NKAIN2: variants seen among roughly 807,000 people sequenced by gnomAD.
NKAIN2 encodes sodium/potassium-transporting ATPase subunit beta-1-interacting protein 2.
In NKAIN2, 14 loss-of-function variants were observed where a neutral mutation model predicts 32.6. That is an observed-to-expected ratio of 0.43 (90% CI 0.28 to 0.67). The LOEUF is 0.67. Ranked by LOEUF, NKAIN2 falls within the 30% of genes least tolerant of loss-of-function variation. The pLI is 0.17. For missense variants in NKAIN2, 198 were observed against 258.3 expected, an observed-to-expected ratio of 0.77 and a Z score of 1.60; for synonymous variants, 80 against 87.2, an observed-to-expected ratio of 0.92 and a Z score of 0.46.
rs1773103827 is a variant in NKAIN2, at chr6:123,804,022, C to T, written c.-179C>T. 2 of 636,030 alleles carry T rather than the reference C, an allele frequency of 3.1e-6. No individual in the cohort carries two copies. Among genetic ancestry groups the T allele is most frequent in the Admixed American group, 2.7e-5 (1 of 36,716 alleles). 39.4% of individuals were successfully genotyped at this position (636,030 alleles called of 1,614,324 possible). On this transcript the variant is annotated 5_prime_UTR_variant, in exon 1 of 7. Transcript: ENST00000368417. Reference sequence around the variant, plus strand: ...CGGCTGGAGCTGCCGCCGCCGCCGCCGCCGCGCCAGCAGGTCCTAATGCCT... The same window carrying T: ...CGGCTGGAGCTGCCGCCGCCGCCGCTGCCGCGCCAGCAGGTCCTAATGCCT...
chr6:123,965,834 T>C (rs1421228059), intron 1 of NKAIN2, among the ~76,000 whole-genome samples: 1 of 152,220 alleles, frequency 6.6e-6, no homozygotes, highest in Non-Finnish European at 1.5e-5. Context: ...TTATTGAATC[T>C]ATTCTTAAAT....
chr6:124,196,386 T>C (rs1367937163), intron 1 of NKAIN2, among the ~76,000 whole-genome samples: 1 of 152,062 alleles, frequency 6.6e-6, no homozygotes, highest in African/African-American at 2.4e-5. Flanking sequence ...TCCACTATAT[T>C]CCCCATATTA....
chr6:124,456,165 C>G (rs138863530), intron 3 of NKAIN2, among the ~76,000 whole-genome samples: 88 of 151,964 alleles, frequency 5.8e-4, no homozygotes, highest in African/African-American at 2.1e-3. Context: ...TTGCTTATTT[C>G]CCTCAATACA....
intron 1 of NKAIN2, among the ~76,000 whole-genome samples, chr6:123,999,162 G>A (rs186345448): frequency 1.6e-4 from 25 of 152,176 alleles, no homozygotes; most frequent in African/African-American, 5.5e-4. Context: ...AAATGGTAAG[G>A]TTACATCATT....
intron 4 of NKAIN2, among the ~76,000 whole-genome samples, chr6:124,676,318 C>T (rs546982451): frequency 3.3e-5 from 5 of 152,200 alleles, no homozygotes; most frequent in African/African-American, 9.6e-5. Context: ...ACAGAATGTT[C>T]TGTATATGTC....
At position 124,180,981 on chromosome 6, in the gene NKAIN2, A is replaced by G. The variant is rs375053058; in HGVS notation, c.55-102024A>G. ...GGCTTTGACTCTGCAATTTCAGTCT[A>G]CACTGCCCTAGCAGAGGTTCTCCAT... On this transcript the variant is annotated intron_variant, in intron 1 of 6. Coordinates refer to ENST00000368417, the MANE Select transcript of NKAIN2 (RefSeq NM_001040214.3). Among the ~76,000 whole-genome samples, 3 of 152,280 alleles carry G rather than the reference A, an allele frequency of 2.0e-5. No homozygotes were observed. The East Asian group carries it at 5.8e-4, about 29-fold the overall frequency.
intron 4 of NKAIN2, among the ~76,000 whole-genome samples, chr6:124,754,311 C>T (rs1340370367): frequency 6.6e-6 from 1 of 152,022 alleles, no homozygotes; most frequent in East Asian, 1.9e-4. Flanking sequence ...CACTGAATTC[C>T]TTGTCTTATT....
chr6:123,944,885 T>C (rs956766000), intron 1 of NKAIN2, among the ~76,000 whole-genome samples: 5 of 152,014 alleles, frequency 3.3e-5, no homozygotes, highest in African/African-American at 7.2e-5. Flanking sequence ...CTGTGGGGGA[T>C]TGATATCTTA....
chr6:124,136,411 G>C (rs1786787503), intron 1 of NKAIN2, among the ~76,000 whole-genome samples: 1 of 152,082 alleles, frequency 6.6e-6, no homozygotes, highest in Non-Finnish European at 1.5e-5. Context: ...TGGATTCACA[G>C]CTGAATTCTA....
chr6:124,372,443 A>C (rs1047357727), intron 3 of NKAIN2, among the ~76,000 whole-genome samples: 1 of 152,122 alleles, frequency 6.6e-6, no homozygotes, highest in African/African-American at 2.4e-5. Context: ...TGCCCTTCCC[A>C]GATAGAGAAA....
Position 124,270,417 on chromosome 6 carries a change from G to GA in NKAIN2, c.55-12578dup, listed in dbSNP as rs550399568. Among the ~76,000 whole-genome samples, 751 of 149,376 alleles carry GA rather than the reference G, an allele frequency of 5.0e-3. 6 individuals are homozygous for GA. Among genetic ancestry groups the GA allele is most frequent in the African/African-American group, 0.017 (692 of 40,938 alleles). ...TTTTGGAAACTTTATCAGCTTTTCA[G>GA]AAAAAAAAAATCTGTATTTTTACCT... On this transcript the variant is annotated intron_variant, in intron 1 of 6. Transcript: ENST00000368417.
chr6:124,429,783 C>A (rs530007342), intron 3 of NKAIN2, among the ~76,000 whole-genome samples: 1 of 152,258 alleles, frequency 6.6e-6, no homozygotes, highest in South Asian at 2.1e-4. Context: ...TGGTCTCTAG[C>A]AGCTACTGCT....
intron 3 of NKAIN2, among the ~76,000 whole-genome samples, chr6:124,563,357 A>T (rs1017425366): frequency 1.3e-4 from 20 of 152,222 alleles, no homozygotes; most frequent in Admixed American, 7.9e-4. Context: ...CAATCGTAGC[A>T]CTAATCAAAT....
intron 1 of NKAIN2, among the ~76,000 whole-genome samples, chr6:124,082,316 A>G (rs890982736): frequency 2.6e-5 from 4 of 152,120 alleles, no homozygotes; most frequent in African/African-American, 9.7e-5. Flanking sequence ...GCTTAATGCT[A>G]TAGGCTCTTA....
intron 3 of NKAIN2, among the ~76,000 whole-genome samples, chr6:124,478,792 T>A (rs757145630): frequency 6.0e-4 from 92 of 152,302 alleles, no homozygotes; most frequent in Admixed American, 1.6e-3. Context: ...AAGGCATGAC[T>A]ATTCATTCCT....
chr6:124,407,398 T>A lies in NKAIN2; in HGVS notation c.273+52051T>A, dbSNP rs1433622509. Among the ~76,000 whole-genome samples the A allele has an allele frequency of 2.1e-5, 3 of 146,286 alleles. No individual in the cohort carries two copies. In the East Asian group the frequency reaches 6.3e-4, roughly 31 times the overall value. On this transcript the variant is annotated intron_variant, in intron 3 of 6. Transcript: ENST00000368417. ...GTGTGATATTCCCCTTCCTGTGTCC[T>A]TGTGTTCTCATTGTTCAATTCCCAC...
At chr6:124,623,825 T>C (rs1783199420) in intron 3 of NKAIN2, among the ~76,000 whole-genome samples, 2 of 152,200 alleles carry the variant, frequency 1.3e-5, no homozygotes, top group African/African-American at 4.8e-5. Flanking sequence ...GAAGGAGAGA[T>C]GGCAGTAGAT....
rs534487994 is a variant in NKAIN2, at chr6:124,657,882, TAA to T, written c.274-302_274-301del. Among the ~76,000 whole-genome samples, 311 of 152,134 alleles carry T rather than the reference TAA, an allele frequency of 2.0e-3. 1 individual carries two copies. Among genetic ancestry groups the T allele is most frequent in the African/African-American group, 7.2e-3 (301 of 41,518 alleles). ...TGTAATGGGAAAGACCCTTGAAAGG[TAA>T]AGACTCTTCAGTGTTACAATGAATA... is the stretch of plus-strand genomic sequence containing the variant. On this transcript the variant is annotated intron_variant, in intron 3 of 6. Transcript: ENST00000368417.
At chr6:124,194,589 TAATC>T (rs1056866297) in intron 1 of NKAIN2, among the ~76,000 whole-genome samples, 4 of 152,162 alleles carry the variant, frequency 2.6e-5, no homozygotes, top group African/African-American at 9.7e-5. Flanking sequence ...TCTTTGGGGT[TAATC>T]AATATTTATT....
Sources: gnomAD v4.1 joint callset for allele counts (sites outside exome capture counted in the v4.1 genomes callset) on GRCh38, gnomAD v4.1.1 for gene constraint, MANE v1.5 for transcripts, NCBI Gene and HGNC (gene_info 2026-07-23, HGNC 2026-07-21) for gene names.